Variants in GALNTL6 observed in about 807,000 individuals in gnomAD.
GALNTL6 encodes polypeptide N-acetylgalactosaminyltransferase like 6, also known as polypeptide N-acetylgalactosaminyltransferase-like 6.
A neutral mutation model predicts 73.7 loss-of-function variants in GALNTL6; 46 were observed. The observed-to-expected ratio is 0.62, with a 90% CI of 0.49 to 0.80. GALNTL6 has a LOEUF of 0.80. Among genes scored for constraint, GALNTL6 ranks in the 30% least tolerant of loss-of-function variants. The pLI is 0.00. For missense variants in GALNTL6, 604 were observed against 755.0 expected (o/e 0.80, Z 2.34); for synonymous variants, 259 against 263.7 (o/e 0.98, Z 0.17).
At chr4:171,822,890 G>A (rs1734722781) in intron 2 of GALNTL6, among the ~76,000 whole-genome samples, 1 of 152,162 alleles carries the variant, frequency 6.6e-6, no homozygotes, top group African/African-American at 2.4e-5. Context: ...AAATATGTAA[G>A]TTATTGTGTG....
chr4:172,965,052 C>G (rs959297776), intron 10 of GALNTL6, among the ~76,000 whole-genome samples: 1 of 152,204 alleles, frequency 6.6e-6, no homozygotes, highest in Non-Finnish European at 1.5e-5. Flanking sequence ...AAATTAAGCA[C>G]TCATTCAGAG....
At chr4:172,826,875 T>C (rs1742297762) in intron 7 of GALNTL6, among the ~76,000 whole-genome samples, 1 of 152,202 alleles carries the variant, frequency 6.6e-6, no homozygotes, top group Non-Finnish European at 1.5e-5. Context: ...AAAGTCTAAC[T>C]CCATGCCGGG....
chr4:172,496,980 T>C (rs2110764118), intron 5 of GALNTL6, among the ~76,000 whole-genome samples: 1 of 152,296 alleles, frequency 6.6e-6, no homozygotes, highest in African/African-American at 2.4e-5. Context: ...AATTTGAAAC[T>C]GTAGTTTGAA....
intron 5 of GALNTL6, chr4:172,668,589 A>G (rs1731798399): frequency 6.6e-6 from 1 of 152,130 alleles, no homozygotes; most frequent in African/African-American, 2.4e-5. Flanking sequence ...ATGAAAAGAG[A>G]GCATTTCTCT....
intron 5 of GALNTL6, among the ~76,000 whole-genome samples, chr4:172,485,604 A>T (rs1364839371): frequency 6.6e-6 from 1 of 152,118 alleles, no homozygotes; most frequent in East Asian, 1.9e-4. Flanking sequence ...TTAATCAAAT[A>T]TTTATTATGT....
At chr4:171,846,107 T>G (rs901231097) in intron 2 of GALNTL6, among the ~76,000 whole-genome samples, 1 of 152,198 alleles carries the variant, frequency 6.6e-6, no homozygotes, top group Non-Finnish European at 1.5e-5. Context: ...TTTTAAAAAT[T>G]TTTATTCATT....
At chr4:172,875,422 G>A (rs1745146042) in intron 7 of GALNTL6, among the ~76,000 whole-genome samples, 1 of 152,086 alleles carries the variant, frequency 6.6e-6, no homozygotes, top group South Asian at 2.1e-4. Context: ...TTTAGCCAAG[G>A]TTCCAATCCT....
intron 10 of GALNTL6, among the ~76,000 whole-genome samples, chr4:172,975,910 C>T (rs2126419021): frequency 6.6e-6 from 1 of 152,234 alleles, no homozygotes; most frequent in African/African-American, 2.4e-5. Flanking sequence ...AGGGTTGGGG[C>T]GGAGGTGGCT....
intron 5 of GALNTL6, among the ~76,000 whole-genome samples, chr4:172,502,154 C>G (rs1484682993): frequency 1.8e-4 from 27 of 152,168 alleles, no homozygotes. Flanking sequence ...CTATTTGTAT[C>G]ACAAATTATA....
chr4:172,920,670 CA>C (rs1747745920), intron 8 of GALNTL6, among the ~76,000 whole-genome samples: 1 of 152,016 alleles, frequency 6.6e-6, no homozygotes, highest in Non-Finnish European at 1.5e-5. Context: ...AAAATAAGCT[CA>C]AAAAAGCTTA....
At chr4:172,236,111 A>G (rs1397425076) in intron 3 of GALNTL6, among the ~76,000 whole-genome samples, 3 of 152,188 alleles carry the variant, frequency 2.0e-5, no homozygotes, top group African/African-American at 7.2e-5. Flanking sequence ...TCTGAATATT[A>G]CTTTAACTAC....
chr4:172,670,068 A>G (rs1359580367), intron 5 of GALNTL6, among the ~76,000 whole-genome samples: 1 of 152,168 alleles, frequency 6.6e-6, no homozygotes, highest in Non-Finnish European at 1.5e-5. Flanking sequence ...GCAGTTTATC[A>G]TTGATGGGCA....
At chr4:172,376,748 C>G (rs1050498527) in intron 5 of GALNTL6, among the ~76,000 whole-genome samples, 5 of 152,180 alleles carry the variant, frequency 3.3e-5, no homozygotes, top group Non-Finnish European at 7.3e-5. Flanking sequence ...AGGCAATAGT[C>G]TCTTCGTGGT....
chr4:172,723,066 C>T (rs1735579406), intron 5 of GALNTL6, among the ~76,000 whole-genome samples: 1 of 152,048 alleles, frequency 6.6e-6, no homozygotes, highest in Admixed American at 6.6e-5. Context: ...CGTTCTTTGA[C>T]TCATGTATAT....
chr4:172,587,425 A>G (rs1422154639), intron 5 of GALNTL6, among the ~76,000 whole-genome samples: 1 of 152,148 alleles, frequency 6.6e-6, no homozygotes, highest in Non-Finnish European at 1.5e-5. Context: ...TTTGTTCAAC[A>G]TGAACCCGAT....
At chr4:171,842,949 C>T (rs965722859) in intron 2 of GALNTL6, among the ~76,000 whole-genome samples, 3 of 152,090 alleles carry the variant, frequency 2.0e-5, no homozygotes, top group African/African-American at 7.2e-5. Context: ...TTCAACCATC[C>T]ATTCAATATA....
intron 7 of GALNTL6, among the ~76,000 whole-genome samples, chr4:172,818,834 T>C (rs764949871): frequency 6.6e-6 from 1 of 152,184 alleles, no homozygotes; most frequent in African/African-American, 2.4e-5. Context: ...CCTGACCTCA[T>C]GATCTGCCCG....
intron 5 of GALNTL6, among the ~76,000 whole-genome samples, chr4:172,459,332 C>G (rs1309038552): frequency 6.6e-6 from 1 of 152,192 alleles, no homozygotes; most frequent in African/African-American, 2.4e-5. Flanking sequence ...CTCACCACTC[C>G]TATTCAACAT....
At chr4:172,401,609 G>T (rs1041687854) in intron 5 of GALNTL6, among the ~76,000 whole-genome samples, 1 of 152,002 alleles carries the variant, frequency 6.6e-6, no homozygotes, top group Non-Finnish European at 1.5e-5. Context: ...TTTGAAGTCA[G>T]TGTTAACTTT....
Sources: gnomAD v4.1 joint callset for allele counts (sites outside exome capture counted in the v4.1 genomes callset) on GRCh38, gnomAD v4.1.1 for gene constraint, MANE v1.5 for transcripts, NCBI Gene and HGNC (gene_info 2026-07-23, HGNC 2026-07-21) for gene names.